Variants in USP28 observed in about 807,000 individuals in gnomAD.
USP28 encodes ubiquitin carboxyl-terminal hydrolase 28.
Under a neutral mutation model 145.0 loss-of-function variants are expected in USP28, and 113 were observed. The observed-to-expected ratio is 0.78, with a 90% confidence interval of 0.67 to 0.91. USP28 has a LOEUF of 0.91. USP28 is among the 40% of genes least tolerant of loss of function. The pLI is 0.00. For missense variants in USP28, 1,201 were observed against 1,289.6 expected (o/e 0.93, Z 1.05); for synonymous variants, 447 against 450.9 (o/e 0.99, Z 0.11).
intron 10 of USP28, chr11:113,828,750 G>A: frequency 6.4e-6 from 2 of 311,118 alleles, no homozygotes; most frequent in South Asian, 2.8e-5. Context: ...ATAAACAAAT[G>A]AAAATTAAAT....
intron 1 of USP28, among the ~76,000 whole-genome samples, chr11:113,859,844 A>G (rs1171030270): frequency 1.3e-5 from 2 of 152,228 alleles, no homozygotes; most frequent in Non-Finnish European, 2.9e-5. Flanking sequence ...CTAAATTCAC[A>G]TTGTTTTCAC....
chr11:113,803,196 C>A lies in USP28; in HGVS notation c.2824G>T (p.Glu942Ter). The stretch of plus-strand genomic sequence containing the variant: ...CTTCGGTATAAAGCAATCACGGATT[C>A]TTTGACCCCCCGGCGGGGCCCCTTC... Residue 942 changes from glutamate to a stop codon, truncating the protein, a stop_gained, in exon 23 of 25, where the codon GAA (glutamate) becomes TAA (stop). Coordinates refer to ENST00000003302, the Ensembl canonical transcript of USP28. LOFTEE classifies it high-confidence loss of function. The A allele has an allele frequency of 6.2e-7, 1 of 1,614,130 alleles. No homozygotes were observed. The highest frequency in any genetic ancestry group is 8.5e-7 in the Non-Finnish European group (1 of 1,180,000).
intron 3 of USP28, among the ~76,000 whole-genome samples, chr11:113,847,021 C>T (rs375852610): frequency 6.6e-6 from 1 of 152,074 alleles, no homozygotes; most frequent in East Asian, 1.9e-4. Flanking sequence ...ATAAATAATC[C>T]AATTATCACT....
intron 3 of USP28, among the ~76,000 whole-genome samples, chr11:113,843,686 A>AC (rs1166910016): frequency 7.9e-4 from 119 of 151,568 alleles, no homozygotes; most frequent in African/African-American, 2.8e-3. Flanking sequence ...AAAAAAAAAA[A>AC]AAAACTAAAA....
intron 1 of USP28, among the ~76,000 whole-genome samples, chr11:113,869,954 G>C (rs912072388): frequency 2.0e-5 from 3 of 152,108 alleles, no homozygotes; most frequent in African/African-American, 4.8e-5. Flanking sequence ...CCTGGGGTCA[G>C]GAGTTCAAGA....
intron 5 of USP28, among the ~76,000 whole-genome samples, chr11:113,836,030 A>T (rs1944529544): frequency 6.6e-6 from 1 of 152,212 alleles, no homozygotes; most frequent in African/African-American, 2.4e-5. Flanking sequence ...GTGAGCCGAG[A>T]TCGCACCATT....
intron 1 of USP28, among the ~76,000 whole-genome samples, chr11:113,857,188 A>T (rs1947143398): frequency 6.6e-6 from 1 of 152,192 alleles, no homozygotes; most frequent in South Asian, 2.1e-4. Flanking sequence ...GGAATACAGC[A>T]ATTTCCCCTG....
intron 13 of USP28, among the ~76,000 whole-genome samples, chr11:113,816,457 G>A (rs1277211786): frequency 6.6e-6 from 1 of 152,090 alleles, no homozygotes; most frequent in Non-Finnish European, 1.5e-5. Context: ...AGGTTGCAGT[G>A]AGCTGAGATC....
chr11:113,835,344 C>T (rs1230088740), intron 5 of USP28: 3 of 455,942 alleles, frequency 6.6e-6, no homozygotes, highest in East Asian at 1.4e-4. Flanking sequence ...AGATAATAGG[C>T]AAAACTTTGG....
intron 10 of USP28, among the ~76,000 whole-genome samples, chr11:113,828,317 T>C (rs796324097): frequency 2.0e-5 from 3 of 152,212 alleles, no homozygotes; most frequent in Admixed American, 6.5e-5. Context: ...GGCCTAAGTA[T>C]AGCTGGTGAA....
rs186694846 is a variant in USP28, at chr11:113,823,599, A to T, written c.1283+6T>A. ...ATTTCTAAGCATGAAGGTGTCCAAA[A>T]CTCACCTTTCCAATTTTTGCTGCAG... On this transcript the variant is annotated splice_donor_region_variant and intron_variant, in intron 12 of 24. Coordinates refer to ENST00000003302, the Ensembl canonical transcript of USP28. The T allele has an allele frequency of 1.2e-4, 197 of 1,595,918 alleles. No individual in the cohort carries two copies. The highest frequency in any genetic ancestry group is 1.6e-4 in the Non-Finnish European group (182 of 1,165,946).
intron 3 of USP28, among the ~76,000 whole-genome samples, chr11:113,852,299 A>AG (rs1324200108): frequency 2.0e-5 from 3 of 152,222 alleles, no homozygotes; most frequent in Admixed American, 6.5e-5. Context: ...AAGTGCTGGG[A>AG]TTACAGGCAT....
At chr11:113,819,262 G>A (rs540833418) in intron 12 of USP28, among the ~76,000 whole-genome samples, 2 of 151,894 alleles carry the variant, frequency 1.3e-5, no homozygotes, top group Admixed American at 6.6e-5. Context: ...ACAGGTGTGC[G>A]ATGCCACGCC....
chr11:113,842,043 A>T (rs1945257014), intron 3 of USP28, among the ~76,000 whole-genome samples: 1 of 152,212 alleles, frequency 6.6e-6, no homozygotes, highest in Non-Finnish European at 1.5e-5. Flanking sequence ...AGTAGATCCC[A>T]TACATGTGGG....
intron 1 of USP28, among the ~76,000 whole-genome samples, chr11:113,859,943 T>C (rs1015782511): frequency 2.0e-5 from 3 of 152,182 alleles, no homozygotes; most frequent in Non-Finnish European, 2.9e-5. Context: ...CTCAAGCTTT[T>C]TGACCTCACT....
intron 3 of USP28, among the ~76,000 whole-genome samples, chr11:113,851,814 G>A (rs990081869): frequency 1.4e-5 from 2 of 145,412 alleles, no homozygotes; most frequent in African/African-American, 5.0e-5. Context: ...CCATCCAATT[G>A]GAAATACAGT....
intron 2 of USP28, 73 bp downstream of exon 2, chr11:113,854,185 G>T: frequency 7.3e-7 from 1 of 1,374,018 alleles, no homozygotes. Context: ...AATAGAAATA[G>T]CTTGAACTGA....
At chr11:113,805,739 C>A (rs547497976) in intron 19 of USP28, among the ~76,000 whole-genome samples, 3 of 152,086 alleles carry the variant, frequency 2.0e-5, no homozygotes, top group Non-Finnish European at 4.4e-5. Context: ...CTCAAAATTA[C>A]AAAGGCACAA....
chr11:113,827,463 A>AAGTTCTATACCAAAG, intron 10 of USP28, 103 bp from the exon 11 acceptor site: 1 of 1,282,340 alleles, frequency 7.8e-7, no homozygotes, highest in Non-Finnish European at 1.0e-6. Context: ...CCTTTGGTAT[A>AAGTTCTATACCAAAG]GAACTTATAC....
Sources: allele counts gnomAD v4.1 joint callset (sites outside exome capture counted in the v4.1 genomes callset), GRCh38; gene constraint gnomAD v4.1.1; transcripts MANE v1.5; gene names NCBI Gene and HGNC (gene_info 2026-07-23, HGNC 2026-07-21).